Variants in NTM observed in about 807,000 individuals in gnomAD.
NTM encodes IgLON family member 2.
Under a neutral mutation model 42.1 loss-of-function variants are expected in NTM, and 13 were observed. The observed-to-expected ratio is 0.31, with a 90% confidence interval of 0.20 to 0.49. The LOEUF is 0.49. Ranked by LOEUF, NTM falls within the 20% of genes least tolerant of loss-of-function variation. NTM has a pLI of 0.99. For missense variants in NTM, 373 were observed against 452.8 expected (o/e 0.82, Z 1.60); for synonymous variants, 187 against 179.2 (o/e 1.04, Z -0.35).
At chr11:131,649,395 C>T (rs893476213) in intron 1 of NTM, among the ~76,000 whole-genome samples, 4 of 152,220 alleles carry the variant, frequency 2.6e-5, no homozygotes, top group Non-Finnish European at 4.4e-5. Context: ...AAGTATTGAA[C>T]GGGATAAAAA....
intron 2 of NTM, among the ~76,000 whole-genome samples, chr11:132,020,529 A>T (rs2074173792): frequency 6.6e-6 from 1 of 152,064 alleles, no homozygotes; most frequent in Non-Finnish European, 1.5e-5. Flanking sequence ...GGTAACTCTA[A>T]TGAGTATGCT....
intron 7 of NTM, among the ~76,000 whole-genome samples, chr11:132,322,407 C>G (rs1323963939): frequency 1.4e-5 from 2 of 144,350 alleles, no homozygotes; most frequent in Admixed American, 1.4e-4. Flanking sequence ...GACTTTAAAC[C>G]AACAAAGATC....
At chr11:131,996,139 C>G (rs1431040163) in intron 2 of NTM, among the ~76,000 whole-genome samples, 1 of 152,114 alleles carries the variant, frequency 6.6e-6, no homozygotes, top group East Asian at 1.9e-4. Context: ...TTTGGACTTT[C>G]TCTTATGGGT....
At chr11:131,505,630 G>C (rs1221236201) in intron 1 of NTM, among the ~76,000 whole-genome samples, 2 of 152,184 alleles carry the variant, frequency 1.3e-5, no homozygotes, top group Non-Finnish European at 2.9e-5. Flanking sequence ...TGGCTTCCCA[G>C]ATATCAGTCC....
chr11:131,836,624 A>G (rs1592183963), intron 1 of NTM, among the ~76,000 whole-genome samples: 2 of 152,310 alleles, frequency 1.3e-5, no homozygotes, highest in East Asian at 1.9e-4. Context: ...GCTTCTCTCC[A>G]TGTCATGAGT....
intron 1 of NTM, among the ~76,000 whole-genome samples, chr11:131,376,245 A>T (rs908398124): frequency 2.8e-4 from 42 of 152,344 alleles, no homozygotes; most frequent in African/African-American, 1.0e-3. Context: ...AGAGTCTTCC[A>T]TTATTTGGTA....
intron 1 of NTM, among the ~76,000 whole-genome samples, chr11:131,504,955 G>A (rs756990663): frequency 3.3e-5 from 5 of 151,992 alleles, no homozygotes; most frequent in African/African-American, 7.3e-5. Flanking sequence ...CCTCTCCTCC[G>A]CACTATCTGA....
intron 1 of NTM, among the ~76,000 whole-genome samples, chr11:131,809,743 A>G (rs916246237): frequency 6.6e-6 from 1 of 152,168 alleles, no homozygotes; most frequent in Non-Finnish European, 1.5e-5. Flanking sequence ...GCACCAATAT[A>G]AATCTTCGGC....
chr11:132,007,362 C>T lies in NTM; in HGVS notation c.167+95714C>T, dbSNP rs1002645956. ...GATCACTTAAGAGCACAAATAAGAC[C>T]GCCAGCTGATGCCAGGCTGCACAGC... On this transcript the variant is annotated intron_variant, in intron 2 of 8. Coordinates refer to ENST00000683400, the MANE Select transcript of NTM (RefSeq NM_001352005.2). Among the ~76,000 whole-genome samples the T allele has an allele frequency of 1.4e-4, 21 of 152,178 alleles. 1 individual carries two copies. Among genetic ancestry groups the T allele is most frequent in the Middle Eastern group, 3.4e-3 (1 of 294 alleles).
At chr11:132,303,354 C>A (rs772839164) in intron 4 of NTM, among the ~76,000 whole-genome samples, 1 of 152,178 alleles carries the variant, frequency 6.6e-6, no homozygotes, top group Non-Finnish European at 1.5e-5. Flanking sequence ...CTGGTATGCA[C>A]CAGCAATTCC....
At chr11:131,553,604 T>C (rs1198156205) in intron 1 of NTM, among the ~76,000 whole-genome samples, 1 of 152,240 alleles carries the variant, frequency 6.6e-6, no homozygotes, top group Non-Finnish European at 1.5e-5. Context: ...TGGAAACTTA[T>C]CTTCACCCTT....
chr11:131,498,859 G>A (rs1955629417), intron 1 of NTM, among the ~76,000 whole-genome samples: 1 of 152,194 alleles, frequency 6.6e-6, no homozygotes, highest in Non-Finnish European at 1.5e-5. Context: ...TGGTAAGCAG[G>A]AGGATGCCAG....
intron 1 of NTM, among the ~76,000 whole-genome samples, chr11:131,502,417 A>G (rs1055647185): frequency 2.9e-4 from 44 of 152,278 alleles, no homozygotes; most frequent in African/African-American, 9.9e-4. Context: ...AGGTTATGGC[A>G]TTTGGTTAGA....
intron 2 of NTM, among the ~76,000 whole-genome samples, chr11:131,915,670 T>G (rs2056197814): frequency 6.6e-6 from 1 of 152,048 alleles, no homozygotes. Context: ...AAAAAGAGGT[T>G]TAATGGACTC....
chr11:131,465,775 C>T (rs181230130), intron 1 of NTM, among the ~76,000 whole-genome samples: 25 of 152,352 alleles, frequency 1.6e-4, no homozygotes, highest in Non-Finnish European at 5.9e-5. Context: ...CAGAGCCATT[C>T]CCAAAGCTCG....
chr11:132,096,696 C>T (rs540408878), intron 2 of NTM, among the ~76,000 whole-genome samples: 2 of 152,200 alleles, frequency 1.3e-5, no homozygotes, highest in Non-Finnish European at 2.9e-5. Context: ...GCGCTGATTT[C>T]TTCCCCCAGT....
chr11:132,290,469 AT>A (rs2094419796), intron 4 of NTM, among the ~76,000 whole-genome samples: 2 of 152,190 alleles, frequency 1.3e-5, no homozygotes, highest in African/African-American at 4.8e-5. Context: ...AGTTCTAAAT[AT>A]GCATTGGATA....
chr11:131,917,591 A>G (rs1233262714), intron 2 of NTM, among the ~76,000 whole-genome samples: 1 of 152,242 alleles, frequency 6.6e-6, no homozygotes, highest in African/African-American at 2.4e-5. Context: ...GGAGGGACAC[A>G]GAAAAGCACT....
intron 4 of NTM, among the ~76,000 whole-genome samples, chr11:132,283,149 C>G (rs10894528): frequency 0.35 from 53,343 of 151,158 alleles, 10,304 homozygotes; most frequent in East Asian, 0.65. Flanking sequence ...ACCATGCCCA[C>G]CTAATTTTTG....
Sources: allele counts gnomAD v4.1 joint callset (sites outside exome capture counted in the v4.1 genomes callset), GRCh38; gene constraint gnomAD v4.1.1; transcripts MANE v1.5; gene names NCBI Gene and HGNC (gene_info 2026-07-23, HGNC 2026-07-21).